Variants in MEF2A observed in about 807,000 individuals in gnomAD.
MEF2A encodes the protein myocyte enhancer factor 2A.
MEF2A carries 28 observed loss-of-function variants against 55.8 expected under a neutral mutation model. That is an observed-to-expected ratio of 0.50 (90% CI 0.37 to 0.69). The LOEUF is 0.69. Ranked by LOEUF, MEF2A falls within the 30% of genes least tolerant of loss-of-function variation. MEF2A has a pLI of 0.00. For missense variants in MEF2A, 528 were observed against 626.2 expected (o/e 0.84, Z 1.67); for synonymous variants, 239 against 227.1 (o/e 1.05, Z -0.47).
At chr15:99,602,017 G>T (rs1034174783) in intron 2 of MEF2A, among the ~76,000 whole-genome samples, 7 of 152,094 alleles carry the variant, frequency 4.6e-5, no homozygotes, top group Non-Finnish European at 7.4e-5. Context: ...TGTTACCAGC[G>T]GTGAATCTGC....
At chr15:99,665,810 T>C (rs957328870) in intron 4 of MEF2A, among the ~76,000 whole-genome samples, 3 of 150,286 alleles carry the variant, frequency 2.0e-5, no homozygotes, top group Admixed American at 6.6e-5. Flanking sequence ...AGAAGACATT[T>C]ATGCAGCCAA....
At chr15:99,581,258 A>G (rs34513363) in intron 1 of MEF2A, among the ~76,000 whole-genome samples, 9,286 of 152,236 alleles carry the variant, frequency 0.061, 354 homozygotes, top group East Asian at 0.17. Context: ...TAAAGGGCAT[A>G]TTGGCTTTTA....
intron 8 of MEF2A, among the ~76,000 whole-genome samples, chr15:99,693,953 A>G (rs562631730): frequency 3.3e-5 from 5 of 152,338 alleles, no homozygotes; most frequent in African/African-American, 1.2e-4. Flanking sequence ...CATTTTTTCT[A>G]TTAACATTAG....
intron 2 of MEF2A, among the ~76,000 whole-genome samples, chr15:99,602,214 C>T (rs1479702514): frequency 1.3e-5 from 2 of 152,090 alleles, no homozygotes; most frequent in African/African-American, 4.8e-5. Context: ...CGTGAGAGAT[C>T]AGTGCGTGGT....
intron 7 of MEF2A, among the ~76,000 whole-genome samples, chr15:99,681,112 A>T (rs2053167109): frequency 6.6e-6 from 1 of 152,234 alleles, no homozygotes; most frequent in Non-Finnish European, 1.5e-5. Flanking sequence ...TCAAGCATAA[A>T]ATAAAGTCAG....
At chr15:99,656,275 CAT>C (rs2047688988) in intron 4 of MEF2A, among the ~76,000 whole-genome samples, 1 of 152,092 alleles carries the variant, frequency 6.6e-6, no homozygotes, top group Non-Finnish European at 1.5e-5. Flanking sequence ...CATCTACTAA[CAT>C]ATATTACTTC....
intron 2 of MEF2A, among the ~76,000 whole-genome samples, chr15:99,608,994 T>C (rs1976152663): frequency 6.6e-6 from 1 of 152,160 alleles, no homozygotes; most frequent in South Asian, 2.1e-4. Flanking sequence ...TTCTAACAAG[T>C]AGATAGTTTA....
At chr15:99,671,255 T>C (rs888144940) in intron 4 of MEF2A, 68 bp from the exon 5 acceptor site, 1 of 1,548,124 alleles carries the variant, frequency 6.5e-7, no homozygotes, top group Non-Finnish European at 8.8e-7. Context: ...GCTCTCTTAA[T>C]AAATTTTACA....
chr15:99,675,718 A>T (rs1293800658), intron 7 of MEF2A, among the ~76,000 whole-genome samples: 3 of 152,192 alleles, frequency 2.0e-5, no homozygotes, highest in Non-Finnish European at 4.4e-5. Context: ...GGGTCTATCT[A>T]CTTCTACAGA....
At chr15:99,666,024 T>C (rs1344240305) in intron 4 of MEF2A, among the ~76,000 whole-genome samples, 14 of 152,148 alleles carry the variant, frequency 9.2e-5, no homozygotes, top group Admixed American at 9.2e-4. Context: ...TGGAAGACAG[T>C]GTGGTGATTC....
intron 3 of MEF2A, 145 bp downstream of exon 3, chr15:99,633,318 T>C: frequency 1.8e-6 from 1 of 543,432 alleles, no homozygotes; most frequent in Non-Finnish European, 3.1e-6. Context: ...CTAACAATCA[T>C]AAAATTGTAT....
At chr15:99,582,166 A>G (rs757234172) in intron 1 of MEF2A, among the ~76,000 whole-genome samples, 26 of 151,694 alleles carry the variant, frequency 1.7e-4, no homozygotes, top group South Asian at 8.3e-4. Context: ...GATAATGTAT[A>G]TGTCCTTTCT....
chr15:99,661,454 T>G (rs2048624932), intron 4 of MEF2A, among the ~76,000 whole-genome samples: 1 of 151,314 alleles, frequency 6.6e-6, no homozygotes, highest in Non-Finnish European at 1.5e-5. Context: ...GAAGATATTT[T>G]TACAATGTAT....
intron 1 of MEF2A, among the ~76,000 whole-genome samples, chr15:99,587,619 C>T (rs1006511259): frequency 3.9e-5 from 6 of 152,122 alleles, no homozygotes; most frequent in Non-Finnish European, 8.8e-5. Flanking sequence ...TAATTTCTTT[C>T]AGCAGTATTT....
Position 99,712,916 on chromosome 15 carries a change from AGTGT to A in MEF2A, c.*148_*151del. The A allele has an allele frequency of 3.3e-6, 3 of 899,942 alleles. No homozygotes were observed. The highest frequency in any genetic ancestry group is 1.7e-5 in the African/African-American group (1 of 58,796). The allele number at this position is 899,942 out of a possible 1,614,324, so 55.7% of individuals were successfully genotyped here. A position where few individuals can be genotyped will look rare whatever the true frequency, so the allele number is the denominator to read the frequency against. On this transcript the variant is annotated 3_prime_UTR_variant, in exon 12 of 12. Transcript: ENST00000557942. The surrounding 1 kb of genome is among the most constrained non-coding windows in gnomAD (Gnocchi z 4.1). ...TTACATATATATGTATGTGGGTGTG[AGTGT>A]GTATGTGTGGGTGTGTGTTACATAC... is the stretch of plus-strand genomic sequence containing the variant.
intron 9 of MEF2A, among the ~76,000 whole-genome samples, chr15:99,703,793 C>T (rs1283531783): frequency 1.3e-5 from 2 of 152,104 alleles, no homozygotes; most frequent in South Asian, 4.1e-4. Context: ...AAAAAGATTA[C>T]ATCATTTTTG....
chr15:99,578,037 G>A (rs529799107), intron 1 of MEF2A, among the ~76,000 whole-genome samples: 3 of 152,276 alleles, frequency 2.0e-5, no homozygotes, highest in African/African-American at 7.2e-5. Context: ...CCTCTGTAAA[G>A]TCATAGTGTA....
chr15:99,624,762 A>G (rs2041799832), intron 2 of MEF2A, among the ~76,000 whole-genome samples: 1 of 152,222 alleles, frequency 6.6e-6, no homozygotes, highest in South Asian at 2.1e-4. Flanking sequence ...TTTGTGCAGT[A>G]TTGATATCTT....
Position 99,669,100 on chromosome 15 carries a change from T to C in MEF2A, c.259-2223T>C, listed in dbSNP as rs893497161. On this transcript the variant is annotated intron_variant, in intron 4 of 11. Coordinates refer to ENST00000557942, the MANE Select transcript of MEF2A (RefSeq NM_001319206.4). Reference sequence around the variant, plus strand: ...CTTGTAGAATAAAAATTGCATGTAATTGTTGAACAAAAGCTGCCTTCTTTT... The same window carrying C: ...CTTGTAGAATAAAAATTGCATGTAACTGTTGAACAAAAGCTGCCTTCTTTT... Among the ~76,000 whole-genome samples, 10 of 152,326 alleles carry C rather than the reference T, an allele frequency of 6.6e-5. No homozygotes were observed. In the South Asian group the frequency reaches 2.1e-3, roughly 32 times the overall value.
Sources: allele counts gnomAD v4.1 joint callset (sites outside exome capture counted in the v4.1 genomes callset), GRCh38; gene constraint gnomAD v4.1.1; non-coding constraint Gnocchi (gnomAD v3.1); transcripts MANE v1.5; gene names NCBI Gene and HGNC (gene_info 2026-07-23, HGNC 2026-07-21).